The following GAP43 variants were observed in gnomAD, a reference collection of about 807,000 sequenced individuals.
GAP43 encodes the protein growth associated protein 43.
GAP43 carries 6 observed loss-of-function variants against 18.6 expected under a neutral mutation model. The observed-to-expected ratio is 0.32, with a 90% CI of 0.18 to 0.64. The LOEUF is 0.64. GAP43 is among the 30% of genes least tolerant of loss of function. The probability of loss-of-function intolerance (pLI) is 0.78; values close to 1 mark genes in which losing one functional copy is unlikely to be tolerated. For missense variants in GAP43, 292 were observed against 295.5 expected (o/e 0.99, Z 0.09); for synonymous variants, 115 against 111.4 (o/e 1.03, Z -0.20).
intron 1 of GAP43, among the ~76,000 whole-genome samples, chr3:115,667,139 G>A (rs1348005093): frequency 6.6e-6 from 1 of 151,972 alleles, no homozygotes; most frequent in African/African-American, 2.4e-5. Context: ...TTTTTTTTTA[G>A]TATCAACTAT....
At chr3:115,716,470 T>C (rs1434533030) in intron 2 of GAP43, among the ~76,000 whole-genome samples, 1 of 151,854 alleles carries the variant, frequency 6.6e-6, no homozygotes, top group Non-Finnish European at 1.5e-5. Context: ...TTTTAAAAAA[T>C]GTTATCATGA....
chr3:115,706,149 T>G (rs1269777653), intron 2 of GAP43, among the ~76,000 whole-genome samples: 2 of 150,848 alleles, frequency 1.3e-5, no homozygotes, highest in Non-Finnish European at 2.9e-5. Flanking sequence ...CCAAATAACT[T>G]CAGTACTTCC....
intron 1 of GAP43, among the ~76,000 whole-genome samples, chr3:115,645,136 T>C (rs1441139035): frequency 6.6e-6 from 1 of 152,030 alleles, no homozygotes; most frequent in East Asian, 1.9e-4. Context: ...GAGTTATTCA[T>C]TTATTCATTA....
chr3:115,640,652 A>G (rs1708383560), intron 1 of GAP43, among the ~76,000 whole-genome samples: 1 of 152,072 alleles, frequency 6.6e-6, no homozygotes, highest in Admixed American at 6.6e-5. Flanking sequence ...ACATTCCAAG[A>G]ATACCCAACA....
chr3:115,682,308 T>G (rs981104355), intron 2 of GAP43, among the ~76,000 whole-genome samples: 2 of 152,230 alleles, frequency 1.3e-5, no homozygotes, highest in Non-Finnish European at 2.9e-5. Context: ...ACATCAGTTA[T>G]GCCAGGAGGA....
chr3:115,688,246 T>C (rs1709060081), intron 2 of GAP43, among the ~76,000 whole-genome samples: 1 of 152,100 alleles, frequency 6.6e-6, no homozygotes, highest in South Asian at 2.1e-4. Context: ...CTCAAGCTCC[T>C]GGCCTCAAGT....
intron 1 of GAP43, among the ~76,000 whole-genome samples, chr3:115,639,820 A>T (rs544228870): frequency 6.6e-6 from 1 of 152,202 alleles, no homozygotes; most frequent in East Asian, 1.9e-4. Flanking sequence ...GGATCTGGGA[A>T]GGAATGGGCT....
Position 115,676,385 on chromosome 3 carries a change from G to A in GAP43, c.403G>A (p.Ala135Thr). ...PQAPASSEEK[A>T]GSAETESATK... is the part of the protein sequence containing the mutation. ...GGCTCCTGCATCCTCAGAGGAGAAG[G>A]CCGGCTCAGCTGAGACAGAAAGTGC... Residue 135 changes from alanine to threonine, a missense_variant, in exon 2 of 3, where the codon GCC (alanine) becomes ACC (threonine). Coordinates refer to ENST00000305124, the MANE Select transcript of GAP43 (RefSeq NM_002045.4). The A allele has an allele frequency of 1.2e-6, 2 of 1,614,020 alleles. No individual in the cohort carries two copies. Among genetic ancestry groups the A allele is most frequent in the African/African-American group, 1.3e-5 (1 of 75,048 alleles).
intron 2 of GAP43, among the ~76,000 whole-genome samples, chr3:115,707,623 C>T (rs1559806816): frequency 6.6e-6 from 1 of 152,128 alleles, no homozygotes; most frequent in Admixed American, 6.5e-5. Context: ...AACACTCTGG[C>T]TCTAGAATCA....
At chr3:115,693,605 T>C (rs914989686) in intron 2 of GAP43, among the ~76,000 whole-genome samples, 3 of 152,120 alleles carry the variant, frequency 2.0e-5, no homozygotes, top group Non-Finnish European at 2.9e-5. Flanking sequence ...CAATTTAGAG[T>C]GTCTACTCTG....
intron 1 of GAP43, among the ~76,000 whole-genome samples, chr3:115,668,725 C>T (rs67327903): frequency 0.48 from 72,750 of 151,836 alleles, 18,795 homozygotes; most frequent in African/African-American, 0.67. Flanking sequence ...CACCCAGCCA[C>T]TTTCACCAGT....
chr3:115,644,483 C>T lies in GAP43; in HGVS notation c.30+20764C>T, dbSNP rs1708434813. On this transcript the variant is annotated intron_variant, in intron 1 of 2. Transcript: ENST00000305124. This position sits in a 1 kb window ranked among gnomAD's most constrained non-coding sequence, Gnocchi z 4.2. The stretch of plus-strand genomic sequence containing the variant: ...AATAAGACAGAGCATCCATTCCACA[C>T]CCTATTTCCATTCCCAGTTAATCTT... 6.6e-6 allele frequency among the ~76,000 whole-genome samples: 1 copy of T among 152,000 alleles called. No homozygotes were observed. The highest frequency in any genetic ancestry group is 2.4e-5 in the African/African-American group (1 of 41,422).
intron 2 of GAP43, among the ~76,000 whole-genome samples, chr3:115,687,771 T>TA (rs1191669470): frequency 7.9e-5 from 12 of 152,162 alleles, no homozygotes. Flanking sequence ...TAATAATAAT[T>TA]AAAAATTACT....
intron 2 of GAP43, among the ~76,000 whole-genome samples, chr3:115,719,521 C>G (rs1709551578): frequency 6.6e-6 from 1 of 152,114 alleles, no homozygotes; most frequent in South Asian, 2.1e-4. Flanking sequence ...TGACCTATTA[C>G]CAGTGCAAAC....
intron 1 of GAP43, among the ~76,000 whole-genome samples, chr3:115,645,997 A>G (rs1214159978): frequency 6.6e-6 from 1 of 152,116 alleles, no homozygotes; most frequent in Non-Finnish European, 1.5e-5. Context: ...TGATTTAGTA[A>G]TAATTTTAAA....
intron 2 of GAP43, among the ~76,000 whole-genome samples, chr3:115,700,197 G>A (rs1576999471): frequency 6.6e-6 from 1 of 152,096 alleles, no homozygotes; most frequent in African/African-American, 2.4e-5. Flanking sequence ...TGATGGATCA[G>A]GACAAAACAA....
chr3:115,717,187 G>A (rs1000615301), intron 2 of GAP43, among the ~76,000 whole-genome samples: 2 of 152,094 alleles, frequency 1.3e-5, no homozygotes, highest in Non-Finnish European at 2.9e-5. Context: ...GTTATGTGCT[G>A]GACATGGGAT....
chr3:115,692,916 CA>C (rs1436562555), intron 2 of GAP43, among the ~76,000 whole-genome samples: 1 of 152,008 alleles, frequency 6.6e-6, no homozygotes, highest in Non-Finnish European at 1.5e-5. Context: ...TTCGAAGGAC[CA>C]AAAAATCAAA....
chr3:115,625,206 C>CATAAATAA (rs112440898), intron 1 of GAP43, among the ~76,000 whole-genome samples: 6,783 of 143,408 alleles, frequency 0.047, 431 homozygotes, highest in East Asian at 0.14. Context: ...AGAGATTTGG[C>CATAAATAA]ATAAATAAAT....
Sources: allele counts gnomAD v4.1 joint callset (sites outside exome capture counted in the v4.1 genomes callset), GRCh38; gene constraint gnomAD v4.1.1; non-coding constraint Gnocchi (gnomAD v3.1); transcripts MANE v1.5; gene names NCBI Gene and HGNC (gene_info 2026-07-23, HGNC 2026-07-21).